SUGCT: variants seen among roughly 807,000 people sequenced by gnomAD.
SUGCT encodes the protein succinyl-CoA:glutarate-CoA transferase.
A neutral mutation model predicts 55.0 loss-of-function variants in SUGCT; 41 were observed. The ratio of observed to expected loss-of-function variants is 0.74; its 90% CI spans 0.58 to 0.97. The LOEUF (loss-of-function observed/expected upper bound fraction) is 0.97, where lower values mean the gene tolerates loss of function less well. Among genes scored for constraint, SUGCT ranks in the 50% least tolerant of loss-of-function variants. The pLI is 0.00. For synonymous variants in SUGCT, 187 were observed against 200.4 expected, an observed-to-expected ratio of 0.93 and a Z score of 0.56; for missense variants, 568 against 547.8, an observed-to-expected ratio of 1.04 and a Z score of -0.37.
At chr7:40,827,192 A>G (rs903651213) in intron 13 of SUGCT, among the ~76,000 whole-genome samples, 4 of 152,174 alleles carry the variant, frequency 2.6e-5, no homozygotes, top group Non-Finnish European at 5.9e-5. Flanking sequence ...ACAAAAACAC[A>G]AATACTGGAG....
intron 1 of SUGCT, among the ~76,000 whole-genome samples, chr7:40,162,072 A>G (rs1221202162): frequency 6.6e-6 from 1 of 151,566 alleles, no homozygotes; most frequent in Admixed American, 6.6e-5. Context: ...AATTTTTTGT[A>G]TTTTTAGTAG....
At chr7:40,662,174 T>A (rs1466975092) in intron 12 of SUGCT, among the ~76,000 whole-genome samples, 1 of 152,244 alleles carries the variant, frequency 6.6e-6, no homozygotes, top group Non-Finnish European at 1.5e-5. Context: ...TGAGATTTTT[T>A]ATTTTTGTCC....
chr7:40,838,240 A>G (rs954739844), intron 13 of SUGCT, among the ~76,000 whole-genome samples: 2 of 152,180 alleles, frequency 1.3e-5, no homozygotes, highest in Admixed American at 6.5e-5. Context: ...TACAAATCCT[A>G]TGTCTTTTCA....
intron 6 of SUGCT, among the ~76,000 whole-genome samples, chr7:40,198,688 C>T (rs1786424857): frequency 7.0e-6 from 1 of 142,334 alleles, no homozygotes; most frequent in Non-Finnish European, 1.5e-5. Context: ...TGACAAAACC[C>T]CCGTCTCTAC....
rs533297931 is a variant in SUGCT, at chr7:40,243,330, A to G, written c.576+5604A>G. 5.3e-5 allele frequency among the ~76,000 whole-genome samples: 8 copies of G among 152,142 alleles called. No individual in the cohort carries two copies. The East Asian group carries it at 1.5e-3, about 29-fold the overall frequency. Reference sequence around the variant, plus strand: ...TCAAATGAACAAAGACGTATTGACCATATGTGTAATGTTGTATTAGGTACC... The same window carrying G: ...TCAAATGAACAAAGACGTATTGACCGTATGTGTAATGTTGTATTAGGTACC... On this transcript the variant is annotated intron_variant, in intron 7 of 13. Transcript: ENST00000335693.
intron 6 of SUGCT, among the ~76,000 whole-genome samples, chr7:40,229,812 C>CA (rs771471649): frequency 0.2 from 11,859 of 60,174 alleles, 1,096 homozygotes; most frequent in African/African-American, 0.35. Context: ...GACTCTGTCT[C>CA]AAAAAAAAAA....
At chr7:41,035,527 C>T in the SUGCT span, among the ~76,000 whole-genome samples, 1 of 152,168 alleles carries the variant, frequency 6.6e-6, no homozygotes, top group African/African-American at 2.4e-5. Context: ...CTCACCTTTA[C>T]CCTCTGGCCT....
Position 40,536,872 on chromosome 7 carries a change from G to A in SUGCT, c.1089+40486G>A, listed in dbSNP as rs17171724. On this transcript the variant is annotated intron_variant, in intron 12 of 13. Coordinates refer to ENST00000335693, the MANE Select transcript of SUGCT (RefSeq NM_001193313.2). ...CATCTTGTTTTCAGGCAAGTTAACA[G>A]CGGAATATTCTTAAGGTCTAAGTTA... 3.0e-3 allele frequency among the ~76,000 whole-genome samples: 457 copies of A among 152,290 alleles called. 7 individuals carry two copies. The highest frequency in any genetic ancestry group is 0.029 in the East Asian group (152 of 5,176).
intron 6 of SUGCT, among the ~76,000 whole-genome samples, chr7:40,212,432 A>G (rs1293375250): frequency 6.6e-6 from 1 of 152,062 alleles, no homozygotes; most frequent in Non-Finnish European, 1.5e-5. Flanking sequence ...TCAAAAACCA[A>G]AAAAAAGATA....
chr7:40,466,170 A>G (rs7793175), intron 11 of SUGCT, among the ~76,000 whole-genome samples: 45,557 of 152,032 alleles, frequency 0.3, 9,290 homozygotes, highest in African/African-American at 0.58. Context: ...ACCTCCCGAA[A>G]TGCTGGGATT....
intron 9 of SUGCT, among the ~76,000 whole-genome samples, chr7:40,327,294 G>T (rs1274922637): frequency 6.6e-6 from 1 of 152,014 alleles, no homozygotes; most frequent in African/African-American, 2.4e-5. Context: ...GAACCAGTTG[G>T]CCAGGAGGTT....
At chr7:40,894,118 T>G in the SUGCT span, among the ~76,000 whole-genome samples, 1 of 150,300 alleles carries the variant, frequency 6.7e-6, no homozygotes, top group Non-Finnish European at 1.5e-5. Flanking sequence ...AGCATGGTAC[T>G]GATACAAAAA....
At chr7:40,318,809 C>A (rs1795570404) in intron 9 of SUGCT, among the ~76,000 whole-genome samples, 1 of 152,134 alleles carries the variant, frequency 6.6e-6, no homozygotes, top group Non-Finnish European at 1.5e-5. Flanking sequence ...ATTCCAAATC[C>A]CATCACATAG....
chr7:40,160,524 C>A (rs1038391812), intron 1 of SUGCT, among the ~76,000 whole-genome samples: 3 of 152,104 alleles, frequency 2.0e-5, no homozygotes, highest in African/African-American at 4.8e-5. Context: ...CCACCATGCC[C>A]AGATGAAATG....
intron 12 of SUGCT, among the ~76,000 whole-genome samples, chr7:40,676,504 G>GTTTTTTTTTTT (rs70990639): frequency 7.7e-6 from 1 of 129,094 alleles, no homozygotes. Context: ...TTTGTTTTTT[G>GTTTTTTTTTTT]TTTTTTTTTT....
intron 12 of SUGCT, among the ~76,000 whole-genome samples, chr7:40,511,403 G>A (rs1188449696): frequency 6.6e-6 from 1 of 152,142 alleles, no homozygotes; most frequent in Non-Finnish European, 1.5e-5. Context: ...TGAACGACAT[G>A]ACACTTGTAT....
the SUGCT span, among the ~76,000 whole-genome samples, chr7:41,032,752 C>G: frequency 6.6e-6 from 1 of 152,030 alleles, no homozygotes. Context: ...AACAAAAAAC[C>G]CCAGTTTTTG....
At chr7:40,801,135 C>A (rs976648924) in intron 13 of SUGCT, among the ~76,000 whole-genome samples, 3 of 152,154 alleles carry the variant, frequency 2.0e-5, no homozygotes, top group Admixed American at 2.0e-4. Context: ...AAGATTCCTG[C>A]CAGCAAGTGG....
chr7:40,459,223 C>A, intron 11 of SUGCT, 25 bp downstream of exon 11: 1 of 1,429,418 alleles, frequency 7.0e-7, no homozygotes, highest in Non-Finnish European at 9.8e-7. Flanking sequence ...TGTATTCATC[C>A]ATTTAAGAAT....
Sources: allele counts gnomAD v4.1 joint callset (sites outside exome capture counted in the v4.1 genomes callset), GRCh38; gene constraint gnomAD v4.1.1; transcripts MANE v1.5; gene names NCBI Gene and HGNC (gene_info 2026-07-23, HGNC 2026-07-21).